Variants in KCNN2 observed in about 807,000 individuals in gnomAD.
KCNN2 encodes the protein potassium calcium-activated channel subfamily N member 2.
KCNN2 carries 24 observed loss-of-function variants against 55.5 expected under a neutral mutation model. The ratio of observed to expected loss-of-function variants is 0.43; its 90% CI spans 0.31 to 0.61. The LOEUF (loss-of-function observed/expected upper bound fraction) is 0.61, where lower values mean the gene tolerates loss of function less well. KCNN2 is among the 20% of genes least tolerant of loss of function. The probability of loss-of-function intolerance (pLI) is 0.08; values close to 1 mark genes in which losing one functional copy is unlikely to be tolerated. For missense variants in KCNN2, 754 were observed against 853.6 expected, an observed-to-expected ratio of 0.88 and a Z score of 1.45; for synonymous variants, 431 against 336.1, an observed-to-expected ratio of 1.28 and a Z score of -3.09.
chr5:114,218,832 G>T (rs1325410179), intron 1 of KCNN2, among the ~76,000 whole-genome samples: 1 of 152,174 alleles, frequency 6.6e-6, no homozygotes, highest in Non-Finnish European at 1.5e-5. Context: ...GTGGGGCTAG[G>T]TGTACATGGG....
chr5:114,060,918 C>A (rs552309035), intron 1 of KCNN2, among the ~76,000 whole-genome samples: 1 of 152,342 alleles, frequency 6.6e-6, no homozygotes, highest in East Asian at 1.9e-4. Context: ...CCTCCTTACT[C>A]AGTAGGGCCA....
In KCNN2 at chr5:114,094,437, A is replaced by G. The variant is rs141429451; in HGVS notation, c.-271+37937A>G. ...TAGTTGTCTAGTCAGGGTAGAAGAA[A>G]GGATTCTTCTTCTTTGTTTAAACAT... On this transcript the variant is annotated intron_variant, in intron 1 of 10. Coordinates refer to the KCNN2 transcript ENST00000512097. Among the ~76,000 whole-genome samples, 146 of 152,352 alleles carry G rather than the reference A, an allele frequency of 9.6e-4. 2 individuals are homozygous for G. In the East Asian group the frequency reaches 0.027, roughly 28 times the overall value.
chr5:114,363,366 C>A, intron 1 of KCNN2, 105 bp downstream of exon 1: 1 of 1,353,540 alleles, frequency 7.4e-7, no homozygotes, highest in Non-Finnish European at 9.8e-7. Context: ...CTCTCCGGGA[C>A]GATCAAGGGA....
At chr5:114,389,097 G>A (rs1295052790) in intron 2 of KCNN2, among the ~76,000 whole-genome samples, 1 of 152,096 alleles carries the variant, frequency 6.6e-6, no homozygotes, top group Non-Finnish European at 1.5e-5. Flanking sequence ...GTGTGTGTAT[G>A]TGTGTGCGTG....
In KCNN2 at chr5:114,111,366, A is replaced by C. The variant is rs532927263; in HGVS notation, c.-271+54866A>C. Among the ~76,000 whole-genome samples the C allele has an allele frequency of 3.9e-5, 6 of 152,328 alleles. No individual in the cohort carries two copies. In the East Asian group the frequency reaches 1.2e-3, roughly 29 times the overall value. On this transcript the variant is annotated intron_variant, in intron 1 of 10. Coordinates refer to the KCNN2 transcript ENST00000512097. ...TAAAGACTTCAATGTAATACCTAAA[A>C]CCATGAAAACCCTAGAAGAAAACCT...
chr5:114,455,410 T>A (rs1760872763), intron 3 of KCNN2, among the ~76,000 whole-genome samples: 1 of 152,206 alleles, frequency 6.6e-6, no homozygotes, highest in Non-Finnish European at 1.5e-5. Flanking sequence ...CAAACTTAAA[T>A]GATAAATGTT....
At chr5:114,429,255 A>T (rs1309834171) in intron 3 of KCNN2, among the ~76,000 whole-genome samples, 1 of 152,112 alleles carries the variant, frequency 6.6e-6, no homozygotes, top group Admixed American at 6.5e-5. Context: ...ATACTGGTAA[A>T]TACAAATCAA....
intron 3 of KCNN2, among the ~76,000 whole-genome samples, chr5:114,457,468 T>C (rs1760981577): frequency 6.6e-6 from 1 of 152,202 alleles, no homozygotes; most frequent in Non-Finnish European, 1.5e-5. Context: ...ATTGCAGTGA[T>C]CTGCATCTGA....
At chr5:114,433,071 A>C (rs916209934) in intron 3 of KCNN2, among the ~76,000 whole-genome samples, 4 of 152,178 alleles carry the variant, frequency 2.6e-5, no homozygotes, top group African/African-American at 9.7e-5. Context: ...GTGCGGGCGC[A>C]CAGCACGGGA....
intron 5 of KCNN2, among the ~76,000 whole-genome samples, chr5:114,478,326 G>C (rs375722057): frequency 1.5e-3 from 222 of 152,166 alleles, no homozygotes; most frequent in Non-Finnish European, 2.6e-3. Context: ...CTATAGGTTT[G>C]AACAAAGCAA....
chr5:114,378,924 T>C (rs186834507), intron 2 of KCNN2, among the ~76,000 whole-genome samples: 159 of 152,304 alleles, frequency 1.0e-3, no homozygotes, highest in South Asian at 3.7e-3. Context: ...TAAAGAGTGT[T>C]TGTTATTTTC....
intron 1 of KCNN2, among the ~76,000 whole-genome samples, chr5:114,110,246 T>G (rs1751570578): frequency 6.6e-6 from 1 of 152,036 alleles, no homozygotes. Context: ...AAGCCAATAC[T>G]GGGCATAATA....
At chr5:114,407,006 G>T (rs1352229209) in intron 3 of KCNN2, among the ~76,000 whole-genome samples, 1 of 152,034 alleles carries the variant, frequency 6.6e-6, no homozygotes, top group Non-Finnish European at 1.5e-5. Flanking sequence ...GGTATTCAGG[G>T]TCTAGCAGTC....
chr5:114,087,505 C>G (rs1373761206), intron 1 of KCNN2, among the ~76,000 whole-genome samples: 1 of 152,044 alleles, frequency 6.6e-6, no homozygotes, highest in Non-Finnish European at 1.5e-5. Context: ...GGCTAGCCAG[C>G]TATATCGGCA....
At chr5:114,230,434 T>C in intron 2 of KCNN2, among the ~76,000 whole-genome samples, 1 of 125,766 alleles carries the variant, frequency 8.0e-6, no homozygotes, top group Admixed American at 8.4e-5. Context: ...CCCTCCCCGC[T>C]CCCCCCACCC....
intron 1 of KCNN2, among the ~76,000 whole-genome samples, chr5:114,104,310 G>A (rs898253235): frequency 1.3e-5 from 2 of 151,566 alleles, no homozygotes; most frequent in East Asian, 3.9e-4. Context: ...TTTGATTTTT[G>A]TCTCTTTTCT....
At chr5:114,061,790 G>A (rs1750336727) in intron 1 of KCNN2, among the ~76,000 whole-genome samples, 1 of 152,218 alleles carries the variant, frequency 6.6e-6, no homozygotes, top group South Asian at 2.1e-4. Context: ...GTTTCCCTGG[G>A]AAGAGGGATT....
chr5:114,106,231 T>C (rs917759021), intron 1 of KCNN2, among the ~76,000 whole-genome samples: 4 of 151,978 alleles, frequency 2.6e-5, no homozygotes, highest in Non-Finnish European at 5.9e-5. Flanking sequence ...TTGAATTTTG[T>C]ACTTTACTCA....
chr5:114,232,006 T>C (rs542461504), intron 2 of KCNN2, among the ~76,000 whole-genome samples: 2 of 151,324 alleles, frequency 1.3e-5, no homozygotes, highest in South Asian at 4.1e-4. Flanking sequence ...TTTAAAAATA[T>C]ACTTTTAATC....
Sources: gnomAD v4.1 joint callset for allele counts (sites outside exome capture counted in the v4.1 genomes callset) on GRCh38, gnomAD v4.1.1 for gene constraint, MANE v1.5 for transcripts, NCBI Gene and HGNC (gene_info 2026-07-23, HGNC 2026-07-21) for gene names.